Variants in ERBB4 observed in about 807,000 individuals in gnomAD.
ERBB4 encodes the protein receptor tyrosine-protein kinase erbB-4.
A neutral mutation model predicts 158.0 loss-of-function variants in ERBB4; 42 were observed. The ratio of observed to expected loss-of-function variants is 0.27; its 90% CI spans 0.21 to 0.34. The LOEUF is 0.34. Ranked by LOEUF, ERBB4 falls within the 10% of genes least tolerant of loss-of-function variation. The probability of loss-of-function intolerance (pLI) is 1.00; values close to 1 mark genes in which losing one functional copy is unlikely to be tolerated. For synonymous variants in ERBB4, 583 were observed against 558.7 expected, an observed-to-expected ratio of 1.04 and a Z score of -0.61; for missense variants, 1,333 against 1,624.1, an observed-to-expected ratio of 0.82 and a Z score of 3.08.
chr2:211,459,406 G>A (rs545894320), intron 20 of ERBB4, among the ~76,000 whole-genome samples: 65 of 152,246 alleles, frequency 4.3e-4, no homozygotes, highest in African/African-American at 1.6e-3. Context: ...AAAACCAAAA[G>A]TGAAATAATC....
chr2:211,763,319 T>C (rs2075463084), intron 4 of ERBB4, among the ~76,000 whole-genome samples: 4 of 152,146 alleles, frequency 2.6e-5, no homozygotes, highest in Admixed American at 2.6e-4. Context: ...CACTTGATAG[T>C]TCCAAGAATA....
At chr2:211,506,397 T>C (rs960592693) in intron 20 of ERBB4, among the ~76,000 whole-genome samples, 17 of 152,264 alleles carry the variant, frequency 1.1e-4, no homozygotes, top group Admixed American at 9.1e-4. Flanking sequence ...AACTGGACTC[T>C]AGACCAAATG....
At chr2:212,161,500 A>T (rs1163915141) in intron 1 of ERBB4, among the ~76,000 whole-genome samples, 1 of 151,838 alleles carries the variant, frequency 6.6e-6, no homozygotes, top group East Asian at 1.9e-4. Context: ...GAGCAGGAAA[A>T]GTTTTCTGCT....
Position 212,038,976 on chromosome 2 carries a change from T to C in ERBB4, c.234+85776A>G, listed in dbSNP as rs527592681. 3.9e-5 allele frequency among the ~76,000 whole-genome samples: 6 copies of C among 152,280 alleles called. No homozygotes were observed. In the South Asian group the frequency reaches 1.0e-3, roughly 26 times the overall value. ...TAGGTTTTGTTTAGAGAAAGAAACT[T>C]AAGGCATCTGGCAAATTGGTGGTTT... On this transcript the variant is annotated intron_variant, in intron 2 of 27. Coordinates refer to ENST00000342788, the MANE Select transcript of ERBB4 (RefSeq NM_005235.3).
At chr2:211,923,561 C>T (rs904796736) in intron 3 of ERBB4, among the ~76,000 whole-genome samples, 4 of 152,088 alleles carry the variant, frequency 2.6e-5, no homozygotes, top group African/African-American at 9.6e-5. Flanking sequence ...GGAGATTATG[C>T]CTTGTGCTGC....
At chr2:212,029,069 T>C (rs1447802031) in intron 2 of ERBB4, among the ~76,000 whole-genome samples, 1 of 152,010 alleles carries the variant, frequency 6.6e-6, no homozygotes, top group South Asian at 2.1e-4. Flanking sequence ...CCCCTTTCCA[T>C]GGCAATGACC....
intron 5 of ERBB4, among the ~76,000 whole-genome samples, chr2:211,744,124 AT>A (rs1359485849): frequency 6.6e-6 from 1 of 152,182 alleles, no homozygotes; most frequent in Non-Finnish European, 1.5e-5. Context: ...AATATTTCAT[AT>A]GTTAGGAAAA....
chr2:211,392,583 CA>C (rs2062822715), intron 25 of ERBB4, among the ~76,000 whole-genome samples: 2 of 151,332 alleles, frequency 1.3e-5, no homozygotes, highest in African/African-American at 4.9e-5. Flanking sequence ...CACACACACA[CA>C]CACACACACA....
chr2:212,352,867 T>C (rs997158147), intron 1 of ERBB4, among the ~76,000 whole-genome samples: 1 of 151,974 alleles, frequency 6.6e-6, no homozygotes, highest in African/African-American at 2.4e-5. Context: ...AAACTCTGTC[T>C]CAAAAAAATA....
chr2:212,170,961 G>A (rs2081499296), intron 1 of ERBB4, among the ~76,000 whole-genome samples: 1 of 151,996 alleles, frequency 6.6e-6, no homozygotes, highest in South Asian at 2.1e-4. Flanking sequence ...GTAAGAAGAG[G>A]GCCACCATCC....
At chr2:212,157,145 T>G (rs2081059690) in intron 1 of ERBB4, among the ~76,000 whole-genome samples, 1 of 152,106 alleles carries the variant, frequency 6.6e-6, no homozygotes, top group African/African-American at 2.4e-5. Flanking sequence ...CATCTCTGGC[T>G]TTAGCACTAC....
At chr2:211,420,127 C>A (rs2063484402) in intron 25 of ERBB4, among the ~76,000 whole-genome samples, 1 of 151,946 alleles carries the variant, frequency 6.6e-6, no homozygotes, top group Non-Finnish European at 1.5e-5. Flanking sequence ...TATTTATATA[C>A]ACATAATGGT....
chr2:212,324,324 A>G (rs1156263302), intron 1 of ERBB4, among the ~76,000 whole-genome samples: 1 of 150,670 alleles, frequency 6.6e-6, no homozygotes, highest in African/African-American at 2.4e-5. Context: ...TCACTTGGTG[A>G]TGATGTCATG....
Position 211,738,363 on chromosome 2 carries a change from T to G in ERBB4, c.622+12276A>C, listed in dbSNP as rs1575074994. 3.2e-4 allele frequency among the ~76,000 whole-genome samples: 8 copies of G among 24,860 alleles called. No individual in the cohort carries two copies. In the African/African-American group the frequency reaches 3.6e-3, roughly 11 times the overall value. The allele number at this position is 24,860 out of a possible 152,430, so 16.3% of individuals were successfully genotyped here. On this transcript the variant is annotated intron_variant, in intron 5 of 27. Transcript: ENST00000342788. ...AAAGTAATTTTTCCTTTGTTTTTGT[T>G]TTTTTTTTTTTTTTTTTTTTTTTGA...
At chr2:211,947,329 A>T in intron 3 of ERBB4, 101 bp downstream of exon 3, 1 of 937,402 alleles carries the variant, frequency 1.1e-6, no homozygotes, top group Non-Finnish European at 1.7e-6. Flanking sequence ...TAAATGCCTT[A>T]GAGTGTTCCT....
chr2:212,178,935 T>C (rs2081765610), intron 1 of ERBB4, among the ~76,000 whole-genome samples: 1 of 151,728 alleles, frequency 6.6e-6, no homozygotes, highest in Non-Finnish European at 1.5e-5. Flanking sequence ...AAGAGTTAAA[T>C]ATCTGAATCA....
rs34926094 is a variant in ERBB4, at chr2:211,623,922, T to C, written c.2202A>G (p.Lys734=). 1,288 of 1,614,044 alleles carry C rather than the reference T, an allele frequency of 8.0e-4. 11 individuals are homozygous for C. The African/African-American group carries it at 0.014, about 18-fold the overall frequency. The stretch of plus-strand genomic sequence containing the variant: ...ACGATATGCGTTGTTTTTTACTTAC[T>C]TTATAAACCGTTCCAAAAGCACCTG... ...LGSGAFGTVY[K]GIWVPEGETV... The change falls in exon 18 of 28, where the codon AAA becomes AAG. Residue 734 remains lysine, a splice_region_variant and synonymous_variant. Coordinates refer to ENST00000342788, the MANE Select transcript of ERBB4 (RefSeq NM_005235.3).
intron 1 of ERBB4, among the ~76,000 whole-genome samples, chr2:212,316,628 G>A (rs1405298489): frequency 6.6e-6 from 1 of 151,462 alleles, no homozygotes; most frequent in African/African-American, 2.4e-5. Flanking sequence ...TCTGATAAAA[G>A]TGGTTTGTCA....
At chr2:212,101,903 C>A (rs1409785498) in intron 2 of ERBB4, among the ~76,000 whole-genome samples, 1 of 151,430 alleles carries the variant, frequency 6.6e-6, no homozygotes, top group East Asian at 1.9e-4. Flanking sequence ...GTACGTTTTG[C>A]TTGGGGGGGT....
Sources: allele counts gnomAD v4.1 joint callset (sites outside exome capture counted in the v4.1 genomes callset), GRCh38; gene constraint gnomAD v4.1.1; transcripts MANE v1.5; gene names NCBI Gene and HGNC (gene_info 2026-07-23, HGNC 2026-07-21).